The following MAGI1 variants were observed in gnomAD, a reference collection of about 807,000 sequenced individuals.
The protein encoded by MAGI1 is membrane associated guanylate kinase, WW and PDZ domain containing 1.
MAGI1 carries 58 observed loss-of-function variants against 139.9 expected under a neutral mutation model. That is an observed-to-expected ratio of 0.41 (90% CI 0.34 to 0.52). MAGI1 has a LOEUF of 0.52. Ranked by LOEUF, MAGI1 falls within the 20% of genes least tolerant of loss-of-function variation. MAGI1 has a pLI of 0.12. For missense variants in MAGI1, 1,874 were observed against 1,901.6 expected (o/e 0.99, Z 0.27); for synonymous variants, 812 against 737.9 (o/e 1.10, Z -1.63).
At chr3:65,499,071 A>AAG (rs1426553248) in intron 2 of MAGI1, 1 of 977,438 alleles carries the variant, frequency 1.0e-6, no homozygotes, top group African/African-American at 1.8e-5. Context: ...AAAAAAAAAA[A>AAG]AACAAAAAAC....
chr3:66,015,997 C>G (rs1381123843), intron 1 of MAGI1, among the ~76,000 whole-genome samples: 1 of 152,136 alleles, frequency 6.6e-6, no homozygotes, highest in Non-Finnish European at 1.5e-5. Context: ...CAAATATGCT[C>G]CATATAATTT....
intron 1 of MAGI1, among the ~76,000 whole-genome samples, chr3:65,723,187 T>C (rs2033237896): frequency 6.6e-6 from 1 of 152,088 alleles, no homozygotes; most frequent in African/African-American, 2.4e-5. Flanking sequence ...AGAGACACAG[T>C]TCAGGTCAGA....
intron 22 of MAGI1, 50 bp from the exon 23 acceptor site, chr3:65,357,182 C>G: frequency 6.5e-7 from 1 of 1,545,562 alleles, no homozygotes; most frequent in East Asian, 2.3e-5. Context: ...GGTCCCTCGG[C>G]TCCTGTCCCC....
At chr3:65,933,283 C>G (rs2062888164) in intron 1 of MAGI1, among the ~76,000 whole-genome samples, 1 of 152,166 alleles carries the variant, frequency 6.6e-6, no homozygotes, top group Non-Finnish European at 1.5e-5. Flanking sequence ...GGCTCAGGAT[C>G]TCATGTGGTT....
intron 1 of MAGI1, among the ~76,000 whole-genome samples, chr3:65,662,357 A>G (rs2086247953): frequency 6.6e-6 from 1 of 152,218 alleles, no homozygotes; most frequent in African/African-American, 2.4e-5. Flanking sequence ...ATAAAATGCC[A>G]GACAGTAATT....
At chr3:65,687,792 T>G in intron 1 of MAGI1, 1 of 577,450 alleles carries the variant, frequency 1.7e-6, no homozygotes, top group East Asian at 4.7e-5. Context: ...CGAAACTGGC[T>G]TGGAAATCAG....
At chr3:66,017,682 T>G (rs1165495803) in intron 1 of MAGI1, among the ~76,000 whole-genome samples, 1 of 152,190 alleles carries the variant, frequency 6.6e-6, no homozygotes, top group Non-Finnish European at 1.5e-5. Flanking sequence ...GGTGCACGTG[T>G]GGCCCTCAGT....
At chr3:65,692,509 A>G (rs1233783901) in intron 1 of MAGI1, among the ~76,000 whole-genome samples, 1 of 152,108 alleles carries the variant, frequency 6.6e-6, no homozygotes, top group Non-Finnish European at 1.5e-5. Flanking sequence ...GACTTACACA[A>G]TTCATATATC....
intron 1 of MAGI1, among the ~76,000 whole-genome samples, chr3:65,842,057 G>A (rs904425380): frequency 6.6e-6 from 1 of 152,100 alleles, no homozygotes; most frequent in South Asian, 2.1e-4. Flanking sequence ...TACCTTTCCA[G>A]TTCCTGCTCC....
At chr3:65,985,643 C>T (rs1158219127) in intron 1 of MAGI1, among the ~76,000 whole-genome samples, 2 of 152,120 alleles carry the variant, frequency 1.3e-5, no homozygotes, top group African/African-American at 2.4e-5. Context: ...AAATAAACAT[C>T]GTTTCCAGTA....
chr3:65,819,596 A>G (rs990346597), intron 1 of MAGI1, among the ~76,000 whole-genome samples: 1 of 152,008 alleles, frequency 6.6e-6, no homozygotes, highest in African/African-American at 2.4e-5. Flanking sequence ...AGTAAGGTTG[A>G]GGCTGGGCAC....
chr3:65,918,741 G>A (rs893011423), intron 1 of MAGI1, among the ~76,000 whole-genome samples: 1 of 151,978 alleles, frequency 6.6e-6, no homozygotes, highest in Non-Finnish European at 1.5e-5. Flanking sequence ...CCTATTGCTT[G>A]GTGACTACGC....
At chr3:65,610,205 A>G (rs539567494) in intron 2 of MAGI1, among the ~76,000 whole-genome samples, 2 of 152,300 alleles carry the variant, frequency 1.3e-5, no homozygotes, top group Non-Finnish European at 2.9e-5. Flanking sequence ...TGGGGTATCT[A>G]ATTCTGAAGC....
intron 1 of MAGI1, among the ~76,000 whole-genome samples, chr3:65,819,694 T>G (rs551268721): frequency 1.5e-4 from 22 of 151,574 alleles, no homozygotes; most frequent in African/African-American, 4.6e-4. Flanking sequence ...CTGACCAACA[T>G]AGTGAAACCT....
intron 1 of MAGI1, among the ~76,000 whole-genome samples, chr3:65,688,909 A>G (rs1375484091): frequency 6.6e-6 from 1 of 152,158 alleles, no homozygotes; most frequent in African/African-American, 2.4e-5. Flanking sequence ...GTAAGAAACT[A>G]TTGACGCTGG....
At chr3:65,570,556 A>G (rs1184556077) in intron 2 of MAGI1, among the ~76,000 whole-genome samples, 1 of 152,246 alleles carries the variant, frequency 6.6e-6, no homozygotes, top group Non-Finnish European at 1.5e-5. Flanking sequence ...TTTAAGGCTT[A>G]TAAATCAGAT....
chr3:65,836,632 AGGATG>A (rs375867744), intron 1 of MAGI1, among the ~76,000 whole-genome samples: 19 of 152,264 alleles, frequency 1.2e-4, no homozygotes, highest in African/African-American at 4.6e-4. Flanking sequence ...CAGCCTGGCC[AGGATG>A]GTGAAACCCC....
intron 1 of MAGI1, among the ~76,000 whole-genome samples, chr3:65,868,302 TAA>T (rs1402355555): frequency 6.6e-6 from 1 of 152,174 alleles, no homozygotes; most frequent in Admixed American, 6.5e-5. Flanking sequence ...GACCCCAAAC[TAA>T]ATGCTCTCAG....
chr3:65,826,888 T>A lies in MAGI1; in HGVS notation c.314-204800A>T, dbSNP rs548163443. 2.0e-5 allele frequency among the ~76,000 whole-genome samples: 3 copies of A among 152,274 alleles called. No homozygotes were observed. In the South Asian group the frequency reaches 6.2e-4, roughly 32 times the overall value. ...AGAGGAATAAGGAAGCCTTTAAAAATAAATAAAAGGAAATTCATCCATTCT... is the reference window on the plus strand; with the variant it reads ...AGAGGAATAAGGAAGCCTTTAAAAAAAAATAAAAGGAAATTCATCCATTCT... On this transcript the variant is annotated intron_variant, in intron 1 of 22. Transcript: ENST00000402939.
Sources: gnomAD v4.1 joint callset for allele counts (sites outside exome capture counted in the v4.1 genomes callset) on GRCh38, gnomAD v4.1.1 for gene constraint, MANE v1.5 for transcripts, NCBI Gene and HGNC (gene_info 2026-07-23, HGNC 2026-07-21) for gene names.